MAP3K8: variants seen among roughly 807,000 people sequenced by gnomAD.
MAP3K8 encodes mitogen-activated protein kinase kinase kinase 8, also known as Ewing sarcoma transformant.
MAP3K8 carries 22 observed loss-of-function variants against 45.8 expected under a neutral mutation model. The observed-to-expected ratio is 0.48, with a 90% CI of 0.34 to 0.69. The LOEUF (loss-of-function observed/expected upper bound fraction) is 0.69. Ranked by LOEUF, MAP3K8 falls within the 30% of genes least tolerant of loss-of-function variation. MAP3K8 has a pLI of 0.01. For synonymous variants in MAP3K8, 223 were observed against 214.3 expected (o/e 1.04, Z -0.36); for missense variants, 419 against 585.0 (o/e 0.72, Z 2.93).
At position 30,458,108 on chromosome 10, in the gene MAP3K8, C is replaced by A; in HGVS notation, c.898C>A (p.Leu300Met). 6.4e-7 allele frequency: 1 copy of A among 1,573,454 alleles called. No homozygotes were observed. Among genetic ancestry groups the A allele is most frequent in the Non-Finnish European group, 8.6e-7 (1 of 1,159,102 alleles). Residue 300 changes from leucine to methionine, a missense_variant, in exon 7 of 9, where the codon CTG (leucine) becomes ATG (methionine). Coordinates refer to ENST00000263056, the MANE Select transcript of MAP3K8 (RefSeq NM_005204.4). The stretch of plus-strand genomic sequence containing the variant: ...GATTTACATGAGCCCAGAGGTCATC[C>A]TGTGCAGGGGCCATTCAACCAAAGC... ...TEIYMSPEVILCRGHSTKADI... is the reference protein window; with the variant it reads ...TEIYMSPEVIMCRGHSTKADI...
chr10:30,451,621 A>G lies in MAP3K8; in HGVS notation c.767-17A>G. On this transcript the variant is annotated splice_polypyrimidine_tract_variant and intron_variant, in intron 5 of 8. Transcript: ENST00000263056. Reference sequence around the variant, plus strand: ...ATATAAAAAATTTTATCTTAAAAATATTTCCTCTCATTTTAGCTAGCAACA... The same window carrying G: ...ATATAAAAAATTTTATCTTAAAAATGTTTCCTCTCATTTTAGCTAGCAACA... 68 of 1,325,664 alleles carry G rather than the reference A, an allele frequency of 5.1e-5. No homozygotes were observed. Among genetic ancestry groups the G allele is most frequent in the Non-Finnish European group, 6.5e-5 (61 of 938,874 alleles). 82.1% of individuals were successfully genotyped at this position (1,325,664 alleles called of 1,614,324 possible).
chr10:30,444,136 G>T (rs1836222835), intron 3 of MAP3K8, among the ~76,000 whole-genome samples: 1 of 151,880 alleles, frequency 6.6e-6, no homozygotes, highest in African/African-American at 2.4e-5. Context: ...GCTGCAGTGA[G>T]CTGTGATGGG....
In MAP3K8 at chr10:30,447,836, C is replaced by T; in HGVS notation, c.391C>T (p.Pro131Ser). Residue 131 changes from proline to serine, a missense_variant, in exon 4 of 9, where the codon CCC (proline) becomes TCC (serine). Physicochemically the swap from Pro to Ser is moderately conservative, Grantham distance 74. This residue lies in a region of MAP3K8 where 209 missense variants were observed against 367.3 expected (regional missense o/e 0.57). Transcript: ENST00000263056. ...AATAGATTCCGATGTTCTCCTGATC[C>T]CCTGGAAGCTGACTTACAGGAATAT... The part of the protein sequence containing the change: ...YQIDSDVLLI[P>S]WKLTYRNIGS... 6.2e-7 allele frequency: 1 copy of T among 1,613,702 alleles called. No individual in the cohort carries two copies. Among genetic ancestry groups the T allele is most frequent in the Non-Finnish European group, 8.5e-7 (1 of 1,179,760 alleles).
At chr10:30,448,029 A>G (rs1365112157) in intron 4 of MAP3K8, 80 bp downstream of exon 4, 1 of 1,318,068 alleles carries the variant, frequency 7.6e-7, no homozygotes, top group Non-Finnish European at 1.0e-6. Context: ...TGCATTAACC[A>G]AAGGTTTTTA....
Position 30,459,343 on chromosome 10 carries a change from AC to A in MAP3K8, c.1119del (p.Asn374IlefsTer10). ...RELIEASLERNPNHRPRAADL... is the reference protein window; with the variant it reads ...RELIEASLERXPNHRPRAADL... ...CTGATAGAAGCTTCCCTGGAGAGAA[AC>A]CCCAATCACCGCCCAAGAGCCGCAG... On this transcript the variant is annotated frameshift_variant, in exon 8 of 9. Transcript: ENST00000263056. LOFTEE classifies it high-confidence loss of function. 1 of 1,613,928 alleles carries A rather than the reference AC, an allele frequency of 6.2e-7. No homozygotes were observed. Among genetic ancestry groups the A allele is most frequent in the Non-Finnish European group, 8.5e-7 (1 of 1,179,968 alleles).
chr10:30,440,785 G>T (rs1836077231), intron 3 of MAP3K8, among the ~76,000 whole-genome samples: 1 of 151,762 alleles, frequency 6.6e-6, no homozygotes, highest in Admixed American at 6.6e-5. Flanking sequence ...GTATTTATTT[G>T]TTAAAATGGG....
chr10:30,447,305 G>A (rs1418243160), intron 3 of MAP3K8, among the ~76,000 whole-genome samples: 3 of 152,180 alleles, frequency 2.0e-5, no homozygotes, highest in Admixed American at 6.5e-5. Context: ...TCTGACATAC[G>A]CTGTGGTTTT....
At chr10:30,459,604 GACTTCTTGAGTA>G (rs1836863674) in intron 8 of MAP3K8, 103 bp downstream of exon 8, 3 of 1,347,890 alleles carry the variant, frequency 2.2e-6, no homozygotes, top group African/African-American at 1.5e-5. Context: ...AAAAGGAAAT[GACTTCTTGAGTA>G]CCATACCTTG....
Position 30,458,128 on chromosome 10 carries a change from C to T in MAP3K8, c.918C>T (p.Thr306=). The T allele has an allele frequency of 6.3e-7, 1 of 1,592,586 alleles. No individual in the cohort carries two copies. ...PEVILCRGHS[T]KADIYSLGAT... is the part of the protein sequence containing the mutation. ...TCATCCTGTGCAGGGGCCATTCAACCAAAGCAGACATCTACAGCCTGGGGG... is the reference window on the plus strand; with the variant it reads ...TCATCCTGTGCAGGGGCCATTCAACTAAAGCAGACATCTACAGCCTGGGGG... Residue 306 remains threonine (T), a synonymous_variant, in exon 7 of 9, where the codon ACC becomes ACT. Coordinates refer to ENST00000263056, the MANE Select transcript of MAP3K8 (RefSeq NM_005204.4).
At chr10:30,454,385 TAAAC>T (rs146941806) in intron 6 of MAP3K8, among the ~76,000 whole-genome samples, 81,553 of 151,204 alleles carry the variant, frequency 0.54, 25,724 homozygotes, top group Non-Finnish European at 0.71. Context: ...CTACAAAAAG[TAAAC>T]AAACAAACAA....
chr10:30,458,498 C>A (rs1836826352), intron 7 of MAP3K8, among the ~76,000 whole-genome samples: 1 of 152,212 alleles, frequency 6.6e-6, no homozygotes, highest in South Asian at 2.1e-4. Flanking sequence ...AATAATGCAA[C>A]ACTACTTAGT....
chr10:30,457,735 T>C (rs914688750), intron 6 of MAP3K8, among the ~76,000 whole-genome samples: 1 of 152,136 alleles, frequency 6.6e-6, no homozygotes, highest in African/African-American at 2.4e-5. Flanking sequence ...AGCCTCCGCC[T>C]TCCGAGCTCA....
At chr10:30,438,297 T>A (rs1835978504) in intron 2 of MAP3K8, among the ~76,000 whole-genome samples, 1 of 152,238 alleles carries the variant, frequency 6.6e-6, no homozygotes, top group Admixed American at 6.5e-5. Flanking sequence ...TTTCCTGTCA[T>A]CCTTCCAATT....
At chr10:30,456,494 G>A (rs1428558331) in intron 6 of MAP3K8, among the ~76,000 whole-genome samples, 1 of 152,100 alleles carries the variant, frequency 6.6e-6, no homozygotes, top group Non-Finnish European at 1.5e-5. Context: ...GTTTTTGTAA[G>A]CTAGTTCTCT....
intron 1 of MAP3K8, chr10:30,434,754 T>C: frequency 4.1e-6 from 4 of 985,458 alleles, no homozygotes; most frequent in Non-Finnish European, 4.8e-6. Flanking sequence ...ACCCGGTGAG[T>C]GCAGCTCGGA....
At chr10:30,438,730 G>C (rs1835993692) in intron 2 of MAP3K8, 186 bp from the exon 3 acceptor site, 2 of 492,982 alleles carry the variant, frequency 4.1e-6, no homozygotes, top group Non-Finnish European at 7.3e-6. Flanking sequence ...TGGACTAAAG[G>C]TTATCTTAGG....
intron 3 of MAP3K8, among the ~76,000 whole-genome samples, 160 bp from the exon 4 acceptor site, chr10:30,447,622 A>G (rs1336434923): frequency 6.6e-6 from 1 of 152,230 alleles, no homozygotes; most frequent in Admixed American, 6.5e-5. Context: ...CAAGCTCTAA[A>G]TATAGTCTCT....
intron 3 of MAP3K8, among the ~76,000 whole-genome samples, chr10:30,441,447 G>A (rs1836105261): frequency 6.6e-6 from 1 of 152,128 alleles, no homozygotes. Flanking sequence ...GTGAGCCACC[G>A]CACCTGGCCA....
At chr10:30,453,496 G>A (rs578090137) in intron 6 of MAP3K8, among the ~76,000 whole-genome samples, 1 of 152,268 alleles carries the variant, frequency 6.6e-6, no homozygotes, top group South Asian at 2.1e-4. Flanking sequence ...CTCTAAATGA[G>A]ATTCTGAAAA....
Sources: gnomAD v4.1 joint callset for allele counts (sites outside exome capture counted in the v4.1 genomes callset) on GRCh38, gnomAD v4.1.1 for gene constraint, gnomAD v4.1.1 regional missense constraint, MANE v1.5 for transcripts, NCBI Gene and HGNC (gene_info 2026-07-23, HGNC 2026-07-21) for gene names.